SYT6: variants seen among roughly 807,000 people sequenced by gnomAD.
SYT6 encodes synaptotagmin 6, also known as synaptotagmin-6.
In SYT6, 24 loss-of-function variants were observed where a neutral mutation model predicts 38.4. That is an observed-to-expected ratio of 0.62 (90% confidence interval 0.45 to 0.88). The LOEUF (loss-of-function observed/expected upper bound fraction) is 0.88, where lower values mean the gene tolerates loss of function less well. SYT6 is among the 40% of genes least tolerant of loss of function. SYT6 has a pLI of 0.00. For missense variants in SYT6, 611 were observed against 621.0 expected (o/e 0.98, Z 0.17); for synonymous variants, 265 against 241.9 (o/e 1.10, Z -0.89).
intron 1 of SYT6, among the ~76,000 whole-genome samples, chr1:114,142,626 C>T (rs904268401): frequency 3.3e-5 from 5 of 152,212 alleles, no homozygotes; most frequent in East Asian, 1.9e-4. Context: ...TATCAGACAG[C>T]GGTGCATGCT....
chr1:114,109,184 C>T (rs942272954), intron 3 of SYT6, among the ~76,000 whole-genome samples: 2 of 152,158 alleles, frequency 1.3e-5, no homozygotes, highest in Non-Finnish European at 2.9e-5. Flanking sequence ...GCAACACAGG[C>T]CTCCTCTTCA....
chr1:114,097,857 A>G lies in SYT6; in HGVS notation c.1385T>C (p.Ile462Thr), dbSNP rs943865498. The G allele has an allele frequency of 3.1e-6, 5 of 1,614,166 alleles. No homozygotes were observed. The highest frequency in any genetic ancestry group is 1.1e-5 in the South Asian group (1 of 91,084). ...DYDRVGHNEI[I>T]GVCRVGITAE... Reference sequence around the variant, plus strand: ...AGTGATCCCCACACGACAGACTCCTATGATCTCATTGTGGCCCACTCTGAG... The same window carrying G: ...AGTGATCCCCACACGACAGACTCCTGTGATCTCATTGTGGCCCACTCTGAG... Residue 462 changes from isoleucine to threonine, a missense_variant, in exon 6 of 8, where the codon ATA becomes ACA. Ile to Thr is a moderately conservative substitution (Grantham distance 89). Coordinates refer to ENST00000610222, the MANE Select transcript of SYT6 (RefSeq NM_001253772.2).
intron 6 of SYT6, among the ~76,000 whole-genome samples, chr1:114,095,078 A>G (rs1241247861): frequency 1.3e-5 from 2 of 152,224 alleles, no homozygotes; most frequent in Non-Finnish European, 2.9e-5. Flanking sequence ...GCTTCTTGAT[A>G]TAGAGAATGA....
intron 3 of SYT6, among the ~76,000 whole-genome samples, chr1:114,122,944 G>C (rs1299805388): frequency 6.6e-6 from 1 of 152,134 alleles, no homozygotes; most frequent in African/African-American, 2.4e-5. Context: ...GGCCCTGCCC[G>C]CCCAGCACAG....
intron 3 of SYT6, among the ~76,000 whole-genome samples, chr1:114,109,698 G>A (rs1676555839): frequency 6.6e-6 from 1 of 152,204 alleles, no homozygotes; most frequent in African/African-American, 2.4e-5. Context: ...AACAGGGGCA[G>A]GGAAAGGCAT....
chr1:114,137,373 C>A, intron 3 of SYT6, 122 bp downstream of exon 3: 1 of 1,178,138 alleles, frequency 8.5e-7, no homozygotes, highest in East Asian at 2.4e-5. Context: ...TTTCCAGAGT[C>A]CCTCTTCACA....
At chr1:114,149,169 G>A (rs10858035) in intron 1 of SYT6, among the ~76,000 whole-genome samples, 42,895 of 151,102 alleles carry the variant, frequency 0.28, 6,572 homozygotes, top group Middle Eastern at 0.43. Context: ...AGTGGCCTCT[G>A]GAAAAGGTGT....
At chr1:114,131,543 T>A (rs1238461393) in intron 3 of SYT6, among the ~76,000 whole-genome samples, 1 of 152,226 alleles carries the variant, frequency 6.6e-6, no homozygotes, top group African/African-American at 2.4e-5. Flanking sequence ...CCTGAACTGG[T>A]CTGTCCCCAG....
chr1:114,117,633 C>T (rs920487936), intron 3 of SYT6, among the ~76,000 whole-genome samples: 5 of 152,216 alleles, frequency 3.3e-5, no homozygotes, highest in African/African-American at 1.2e-4. Flanking sequence ...GGCTTCCCTA[C>T]CCAGCAGCGC....
At chr1:114,143,409 T>C (rs1349650361) in intron 1 of SYT6, among the ~76,000 whole-genome samples, 1 of 148,682 alleles carries the variant, frequency 6.7e-6, no homozygotes, top group Non-Finnish European at 1.5e-5. Flanking sequence ...ATAAAAGTTA[T>C]GTGTGTATAT....
At chr1:114,141,609 T>C (rs1432567072) in intron 1 of SYT6, among the ~76,000 whole-genome samples, 6 of 152,210 alleles carry the variant, frequency 3.9e-5, no homozygotes, top group Non-Finnish European at 8.8e-5. Context: ...ACTAAGATAA[T>C]TGATGAAGGT....
At chr1:114,102,726 G>T (rs533993623) in intron 4 of SYT6, among the ~76,000 whole-genome samples, 5 of 152,322 alleles carry the variant, frequency 3.3e-5, no homozygotes, top group African/African-American at 9.6e-5. Flanking sequence ...GAGGACAGGG[G>T]ATCTAGGGAA....
intron 3 of SYT6, among the ~76,000 whole-genome samples, chr1:114,112,039 G>A (rs1167478561): frequency 2.0e-5 from 3 of 152,186 alleles, no homozygotes; most frequent in Non-Finnish European, 4.4e-5. Context: ...CTTCCTGCTG[G>A]GTGCTGGGGC....
Position 114,137,666 on chromosome 1 carries a change from G to A in SYT6, c.900C>T (p.Phe300=). ...LNPTFDENFH[F]PVPYEELADR... Reference sequence around the variant, plus strand: ...CAGCCAGCTCCTCATAGGGCACAGGGAAGTGGAAGTTCTCATCAAAGGTGG... The same window carrying A: ...CAGCCAGCTCCTCATAGGGCACAGGAAAGTGGAAGTTCTCATCAAAGGTGG... The change falls in exon 3 of 8, where the codon TTC becomes TTT. Residue 300 remains phenylalanine (F), a synonymous_variant. Transcript: ENST00000610222. 6.2e-7 allele frequency: 1 copy of A among 1,613,912 alleles called. No individual in the cohort carries two copies. The highest frequency in any genetic ancestry group is 8.5e-7 in the Non-Finnish European group (1 of 1,179,800).
At chr1:114,148,823 C>T (rs1351326599) in intron 1 of SYT6, among the ~76,000 whole-genome samples, 1 of 152,144 alleles carries the variant, frequency 6.6e-6, no homozygotes, top group East Asian at 1.9e-4. Context: ...AACCAGGTAA[C>T]TTGTTCAAGG....
intron 5 of SYT6, 41 bp from the exon 6 acceptor site, chr1:114,097,918 T>C: frequency 1.2e-6 from 2 of 1,608,122 alleles, no homozygotes; most frequent in South Asian, 1.1e-5. Context: ...CTACCAGACA[T>C]GCCCTCAGAA....
At chr1:114,138,916 C>T (rs966150604) in intron 2 of SYT6, among the ~76,000 whole-genome samples, 13 of 152,196 alleles carry the variant, frequency 8.5e-5, no homozygotes, top group African/African-American at 3.1e-4. Context: ...AAGACCAGGC[C>T]TCGTTCTCTT....
intron 5 of SYT6, among the ~76,000 whole-genome samples, chr1:114,098,339 C>T (rs557936308): frequency 2.7e-4 from 41 of 152,292 alleles, no homozygotes; most frequent in Non-Finnish European, 5.3e-4. Context: ...AATACTATGC[C>T]TGAGAACTTG....
intron 3 of SYT6, among the ~76,000 whole-genome samples, chr1:114,137,208 T>C (rs1571886911): frequency 6.6e-6 from 1 of 152,250 alleles, no homozygotes; most frequent in East Asian, 1.9e-4. Flanking sequence ...AAGTTTCTAA[T>C]GCACATCAGT....
Sources: gnomAD v4.1 joint callset for allele counts (sites outside exome capture counted in the v4.1 genomes callset) on GRCh38, gnomAD v4.1.1 for gene constraint, MANE v1.5 for transcripts, NCBI Gene and HGNC (gene_info 2026-07-23, HGNC 2026-07-21) for gene names.